SREK1IP1: variants seen among roughly 807,000 people sequenced by gnomAD.
The protein encoded by SREK1IP1 is SREK1 interacting protein 1, also known as protein SREK1IP1.
In SREK1IP1, 12 loss-of-function variants were observed where a neutral mutation model predicts 22.8. The observed-to-expected ratio is 0.53, with a 90% CI of 0.34 to 0.85. The LOEUF is 0.85. Among genes scored for constraint, SREK1IP1 ranks in the 40% least tolerant of loss-of-function variants. The pLI, the probability that SREK1IP1 is intolerant of heterozygous loss-of-function variation, is 0.02. For synonymous variants in SREK1IP1, 53 were observed against 52.7 expected, an observed-to-expected ratio of 1.01 and a Z score of -0.02; for missense variants, 147 against 171.8, an observed-to-expected ratio of 0.86 and a Z score of 0.81.
At chr5:64,768,447 A>ACCCTC in intron 1 of SREK1IP1, 58 bp downstream of exon 1, 1 of 1,610,548 alleles carries the variant, frequency 6.2e-7, no homozygotes, top group South Asian at 1.1e-5. Flanking sequence ...ACCCTACCCT[A>ACCCTC]CCCTCCCTTG....
intron 1 of SREK1IP1, among the ~76,000 whole-genome samples, chr5:64,768,212 C>T (rs1400348169): frequency 6.6e-6 from 1 of 152,152 alleles, no homozygotes; most frequent in Non-Finnish European, 1.5e-5. Context: ...CGGCCGCTTG[C>T]CCCCTTAGGC....
chr5:64,727,553 A>ATATATATATATATATTTTTTTTT, intron 4 of SREK1IP1: 2 of 84,678 alleles, frequency 2.4e-5, no homozygotes, highest in Admixed American at 1.1e-4. Flanking sequence ...ATATATATAT[A>ATATATATATATATATTTTTTTTT]TTTTTTTTTT....
chr5:64,754,567 G>C (rs1488285086), intron 1 of SREK1IP1: 1 of 488,978 alleles, frequency 2.0e-6, no homozygotes, highest in Non-Finnish European at 3.7e-6. Flanking sequence ...TGGCTCAGGC[G>C]ATCCTCCTAC....
In SREK1IP1 at chr5:64,739,306, T is replaced by A. The variant is rs537226916; in HGVS notation, c.205+1751A>T. 5.3e-5 allele frequency among the ~76,000 whole-genome samples: 8 copies of A among 152,276 alleles called. No individual in the cohort carries two copies. In the East Asian group the frequency reaches 1.5e-3, roughly 29 times the overall value. ...TCCCTGCTTTCAGCTATGGTTAGTG[T>A]GTCCCAGTCTAAAGAACCTATGTTT... On this transcript the variant is annotated intron_variant, in intron 3 of 4. Coordinates refer to ENST00000513458, the MANE Select transcript of SREK1IP1 (RefSeq NM_173829.4).
At chr5:64,751,912 T>C (rs1742748133) in intron 2 of SREK1IP1, among the ~76,000 whole-genome samples, 3 of 152,124 alleles carry the variant, frequency 2.0e-5, no homozygotes, top group African/African-American at 7.2e-5. Flanking sequence ...TAAAGGTATT[T>C]ACATATTTGT....
rs1256281798 is a variant in SREK1IP1, at chr5:64,718,921, A to G, written c.*5463T>C. ...CATTTAGGGTGGTATGGCCATAGCC[A>G]AAAACTAGCATTTCAAAATGTGCTG... On this transcript the variant is annotated 3_prime_UTR_variant, in exon 5 of 5. Transcript: ENST00000513458. 1 of 152,214 alleles carries G rather than the reference A, an allele frequency of 6.6e-6. No homozygotes were observed. The highest frequency in any genetic ancestry group is 1.5e-5 in the Non-Finnish European group (1 of 68,028). 9.4% of individuals were successfully genotyped at this position (152,214 alleles called of 1,614,324 possible). A position where few individuals can be genotyped will look rare whatever the true frequency, so the allele number is the denominator to read the frequency against.
At chr5:64,760,530 T>G (rs1054746155) in intron 1 of SREK1IP1, among the ~76,000 whole-genome samples, 1 of 152,202 alleles carries the variant, frequency 6.6e-6, no homozygotes, top group African/African-American at 2.4e-5. Flanking sequence ...AAAAGCTACA[T>G]GCAGACTGAT....
chr5:64,766,409 T>C (rs1743033579), intron 1 of SREK1IP1, among the ~76,000 whole-genome samples: 1 of 152,180 alleles, frequency 6.6e-6, no homozygotes, highest in Non-Finnish European at 1.5e-5. Context: ...CACCAACTCC[T>C]AGTGACTCTA....
At chr5:64,748,122 A>G (rs1413210374) in intron 2 of SREK1IP1, among the ~76,000 whole-genome samples, 1 of 152,226 alleles carries the variant, frequency 6.6e-6, no homozygotes, top group Non-Finnish European at 1.5e-5. Context: ...TGGAATGGAT[A>G]AACAAAATGT....
intron 3 of SREK1IP1, among the ~76,000 whole-genome samples, chr5:64,729,110 C>G (rs1742329043): frequency 6.6e-6 from 1 of 152,118 alleles, no homozygotes; most frequent in Non-Finnish European, 1.5e-5. Flanking sequence ...GGTTATTTGG[C>G]AAGGTAAAGA....
In SREK1IP1 at chr5:64,768,189, A is replaced by T. The variant is rs1015386392; in HGVS notation, c.13+316T>A. ...TTAGTTTTAAGCCATACCACAGTTA[A>T]GGTAGTTTTTCTCGGCCGCTTGCCC... On this transcript the variant is annotated intron_variant, in intron 1 of 4. Coordinates refer to ENST00000513458, the MANE Select transcript of SREK1IP1 (RefSeq NM_173829.4). Among the ~76,000 whole-genome samples, 4 of 152,092 alleles carry T rather than the reference A, an allele frequency of 2.6e-5. No individual in the cohort carries two copies. The South Asian group carries it at 6.2e-4, about 24-fold the overall frequency.
rs1163518135 is a variant in SREK1IP1 at position 64,718,617 on chromosome 5, T to C, written c.*5767A>G. On this transcript the variant is annotated 3_prime_UTR_variant, in exon 5 of 5. Transcript: ENST00000513458. ...TTGCTGATATATTTCCTAAATAATCTGTATAATGAAAGCTACAAAACAAAT... is the reference window on the plus strand; with the variant it reads ...TTGCTGATATATTTCCTAAATAATCCGTATAATGAAAGCTACAAAACAAAT... The C allele has an allele frequency of 6.6e-6, 1 of 152,202 alleles. No homozygotes were observed. 9.4% of individuals were successfully genotyped at this position (152,202 alleles called of 1,614,324 possible).
chr5:64,765,006 T>G (rs1743010838), intron 1 of SREK1IP1: 1 of 152,154 alleles, frequency 6.6e-6, no homozygotes, highest in African/African-American at 2.4e-5. Context: ...AAGGAGATAA[T>G]AAGAAAACAG....
intron 3 of SREK1IP1, among the ~76,000 whole-genome samples, chr5:64,730,500 G>T (rs1742358583): frequency 6.6e-6 from 1 of 152,092 alleles, no homozygotes; most frequent in Non-Finnish European, 1.5e-5. Flanking sequence ...TAAAATTCTT[G>T]AAGAAAAGAA....
intron 2 of SREK1IP1, among the ~76,000 whole-genome samples, chr5:64,751,194 C>T (rs1217157731): frequency 6.6e-6 from 1 of 152,190 alleles, no homozygotes; most frequent in Non-Finnish European, 1.5e-5. Flanking sequence ...TCCCCCACAT[C>T]CTTTGGCTAA....
intron 3 of SREK1IP1, among the ~76,000 whole-genome samples, chr5:64,730,387 T>A (rs983800121): frequency 2.0e-5 from 3 of 152,166 alleles, no homozygotes; most frequent in Non-Finnish European, 4.4e-5. Flanking sequence ...AAATGGAATG[T>A]TAGCTACAGG....
intron 3 of SREK1IP1, among the ~76,000 whole-genome samples, chr5:64,734,406 A>AT (rs549808991): frequency 3.3e-5 from 5 of 151,284 alleles, no homozygotes; most frequent in Non-Finnish European, 5.9e-5. Flanking sequence ...TGGCTTGTCA[A>AT]TTTTTTTTAT....
intron 2 of SREK1IP1, among the ~76,000 whole-genome samples, chr5:64,751,374 G>C (rs1375034481): frequency 6.6e-6 from 1 of 152,094 alleles, no homozygotes; most frequent in Non-Finnish European, 1.5e-5. Flanking sequence ...AAATATAAAT[G>C]TGGAGAAAAA....
At chr5:64,756,507 A>G (rs2112110251) in intron 1 of SREK1IP1, among the ~76,000 whole-genome samples, 1 of 152,340 alleles carries the variant, frequency 6.6e-6, no homozygotes, top group East Asian at 1.9e-4. Flanking sequence ...ATTCCCTTTT[A>G]TGGCTGAATA....
Sources: gnomAD v4.1 joint callset for allele counts (sites outside exome capture counted in the v4.1 genomes callset) on GRCh38, gnomAD v4.1.1 for gene constraint, MANE v1.5 for transcripts, NCBI Gene and HGNC (gene_info 2026-07-23, HGNC 2026-07-21) for gene names.